The following LTBP1 variants were observed in gnomAD, a reference collection of about 807,000 sequenced individuals.
LTBP1 encodes the protein latent transforming growth factor beta binding protein 1, also known as latent-transforming growth factor beta-binding protein 1.
A neutral mutation model predicts 207.6 loss-of-function variants in LTBP1; 129 were observed. That is an observed-to-expected ratio of 0.62 (90% CI 0.54 to 0.72). The LOEUF is 0.72. Among genes scored for constraint, LTBP1 ranks in the 30% least tolerant of loss-of-function variants. LTBP1 has a pLI of 0.00. For missense variants in LTBP1, 2,281 were observed against 2,217.2 expected, an observed-to-expected ratio of 1.03 and a Z score of -0.58; for synonymous variants, 963 against 833.7, an observed-to-expected ratio of 1.16 and a Z score of -2.67.
At chr2:33,027,214 G>T (rs2075461022) in intron 3 of LTBP1, among the ~76,000 whole-genome samples, 2 of 152,210 alleles carry the variant, frequency 1.3e-5, no homozygotes, top group South Asian at 4.1e-4. Context: ...ATCCCAGATT[G>T]ACTAAGGTAT....
chr2:33,119,166 A>AATT (rs67808511), intron 4 of LTBP1, among the ~76,000 whole-genome samples: 1 of 150,036 alleles, frequency 6.7e-6, no homozygotes, highest in Admixed American at 6.6e-5. Context: ...AGTCAGACTG[A>AATT]TTTTTTTTTT....
At chr2:33,279,916 A>G (rs1431568557) in intron 18 of LTBP1, 123 bp from the exon 19 acceptor site, 28 of 982,142 alleles carry the variant, frequency 2.9e-5, no homozygotes, top group Non-Finnish European at 4.2e-5. Context: ...CACTTACCCA[A>G]TTATTGTTTT....
intron 31 of LTBP1, 152 bp downstream of exon 31, chr2:33,365,655 C>T: frequency 5.6e-6 from 3 of 534,208 alleles, no homozygotes; most frequent in Non-Finnish European, 8.7e-6. Flanking sequence ...GTGTGTAGGG[C>T]AGAACTGCAT....
chr2:33,086,370 G>A (rs1429427476), intron 3 of LTBP1, among the ~76,000 whole-genome samples: 1 of 152,174 alleles, frequency 6.6e-6, no homozygotes, highest in Non-Finnish European at 1.5e-5. Context: ...CCGGAACAGG[G>A]GTCCTTCATC....
At chr2:32,960,904 T>C (rs1678998493) in intron 2 of LTBP1, among the ~76,000 whole-genome samples, 1 of 152,060 alleles carries the variant, frequency 6.6e-6, no homozygotes, top group Non-Finnish European at 1.5e-5. Context: ...TAAGATAGGG[T>C]TGGATCCCAA....
intron 19 of LTBP1, among the ~76,000 whole-genome samples, chr2:33,286,729 A>C (rs1041211326): frequency 1.4e-4 from 19 of 140,572 alleles, no homozygotes; most frequent in African/African-American, 5.0e-4. Context: ...GCACGTATAC[A>C]CCATGGAATA....
At chr2:33,282,062 CATATATAT>C (rs66505403) in intron 19 of LTBP1, among the ~76,000 whole-genome samples, 111 of 142,854 alleles carry the variant, frequency 7.8e-4, no homozygotes, top group Admixed American at 3.0e-3. Flanking sequence ...CCTATATGTG[CATATATAT>C]ATATATATAT....
chr2:33,119,551 C>G (rs1474775257), intron 4 of LTBP1, among the ~76,000 whole-genome samples: 4 of 151,904 alleles, frequency 2.6e-5, no homozygotes, highest in African/African-American at 9.7e-5. Context: ...TCCATAAATA[C>G]CTTTCTTTCT....
intron 3 of LTBP1, among the ~76,000 whole-genome samples, chr2:33,079,864 C>T (rs1016287567): frequency 5.3e-5 from 8 of 152,324 alleles, no homozygotes; most frequent in East Asian, 1.9e-4. Flanking sequence ...TATGTACATA[C>T]GTTCTTCTTA....
At position 33,315,635 on chromosome 2, in the gene LTBP1, A is replaced by G. The variant is rs1370098820; in HGVS notation, c.3730+366A>G. On this transcript the variant is annotated intron_variant, in intron 24 of 33. Coordinates refer to ENST00000404816, the MANE Select transcript of LTBP1 (RefSeq NM_206943.4). ...ATTGTGCTTCATGTAGATCGTCTTG[A>G]TCATTCTGTGTGTAAAAAATGTCTT... Among the ~76,000 whole-genome samples, 3 of 152,044 alleles carry G rather than the reference A, an allele frequency of 2.0e-5. No individual in the cohort carries two copies. The East Asian group carries it at 5.8e-4, about 29-fold the overall frequency.
rs71407487 is a variant in LTBP1 at position 32,959,597 on chromosome 2, G to GTATA, written c.565+10674_565+10677dup. On this transcript the variant is annotated intron_variant, in intron 2 of 33. Coordinates refer to ENST00000404816, the MANE Select transcript of LTBP1 (RefSeq NM_206943.4). Reference sequence around the variant, plus strand: ...TATGTATATGTATATATATGTACGTGTATATATATATATATATATATATAT... The same window carrying GTATA: ...TATGTATATGTATATATATGTACGTGTATATATATATATATATATATATATATAT... Among the ~76,000 whole-genome samples the GTATA allele has an allele frequency of 1.5e-3, 89 of 58,330 alleles. 2 individuals are homozygous for GTATA. The highest frequency in any genetic ancestry group is 0.014 in the Middle Eastern group (1 of 72). 38.3% of individuals were successfully genotyped at this position (58,330 alleles called of 152,430 possible).
Position 32,947,789 on chromosome 2 carries a change from G to C in LTBP1, c.465G>C (p.Leu155=). The part of the protein sequence containing the change: ...QETQSGGGSR[L]QVHQKQQLQG... ...CCCAGAGCGGCGGAGGCTCTAGGCT[G>C]CAGGTTCACCAGAAGCAGCAGCTGC... is the stretch of plus-strand genomic sequence containing the variant. Residue 155 remains leucine (L), a synonymous_variant, in exon 1 of 34, where the codon CTG becomes CTC. Coordinates refer to ENST00000404816, the MANE Select transcript of LTBP1 (RefSeq NM_206943.4). The C allele has an allele frequency of 6.7e-7, 1 of 1,484,344 alleles. No individual in the cohort carries two copies. The highest frequency in any genetic ancestry group is 2.8e-5 in the East Asian group (1 of 35,948). 91.9% of individuals were successfully genotyped at this position (1,484,344 alleles called of 1,614,324 possible).
intron 3 of LTBP1, among the ~76,000 whole-genome samples, chr2:33,054,658 C>A (rs1051991964): frequency 1.3e-5 from 2 of 152,176 alleles, no homozygotes; most frequent in Non-Finnish European, 2.9e-5. Flanking sequence ...TCCCAGGATT[C>A]CTTGGGTGGT....
At chr2:33,097,537 T>TA (rs1435755694) in intron 3 of LTBP1, among the ~76,000 whole-genome samples, 2 of 152,194 alleles carry the variant, frequency 1.3e-5, no homozygotes, top group African/African-American at 2.4e-5. Flanking sequence ...ACCATGTTTT[T>TA]AAAAAAATCA....
intron 3 of LTBP1, among the ~76,000 whole-genome samples, chr2:33,090,405 G>A (rs753141391): frequency 2.0e-5 from 3 of 152,156 alleles, no homozygotes; most frequent in South Asian, 2.1e-4. Context: ...ATCTGTCTTC[G>A]CGCTTGTGAC....
At chr2:33,136,659 G>A (rs2082168221) in intron 5 of LTBP1, among the ~76,000 whole-genome samples, 1 of 152,026 alleles carries the variant, frequency 6.6e-6, no homozygotes, top group African/African-American at 2.4e-5. Flanking sequence ...CTTTACAGTA[G>A]CAATGACAAA....
intron 3 of LTBP1, among the ~76,000 whole-genome samples, chr2:33,079,126 A>G (rs1345897169): frequency 1.3e-5 from 2 of 152,252 alleles, no homozygotes; most frequent in East Asian, 3.9e-4. Flanking sequence ...TGCCATTCAT[A>G]TATTCCGACC....
At chr2:33,097,610 A>G (rs1225547825) in intron 3 of LTBP1, among the ~76,000 whole-genome samples, 1 of 151,980 alleles carries the variant, frequency 6.6e-6, no homozygotes, top group Non-Finnish European at 1.5e-5. Flanking sequence ...TAATGGTACC[A>G]CTCTCCTTCA....
chr2:33,058,400 T>C (rs563483424), intron 3 of LTBP1, among the ~76,000 whole-genome samples: 3 of 152,322 alleles, frequency 2.0e-5, no homozygotes, highest in East Asian at 3.9e-4. Context: ...AAGCTTCCAA[T>C]GTTTAAGTGA....
Sources: allele counts gnomAD v4.1 joint callset (sites outside exome capture counted in the v4.1 genomes callset), GRCh38; gene constraint gnomAD v4.1.1; transcripts MANE v1.5; gene names NCBI Gene and HGNC (gene_info 2026-07-23, HGNC 2026-07-21).